CORO6: variants seen among roughly 807,000 people sequenced by gnomAD.
CORO6 encodes coronin 6.
A neutral mutation model predicts 49.0 loss-of-function variants in CORO6; 43 were observed. That is an observed-to-expected ratio of 0.88 (90% CI 0.69 to 1.13). The LOEUF (loss-of-function observed/expected upper bound fraction) is 1.13. Among genes scored for constraint, CORO6 ranks in the 50% most tolerant of loss-of-function variants. The pLI is 0.00. For synonymous variants in CORO6, 233 were observed against 256.5 expected, an observed-to-expected ratio of 0.91 and a Z score of 0.88; for missense variants, 650 against 647.0, an observed-to-expected ratio of 1.00 and a Z score of -0.05.
chr17:29,616,582 C>T lies in CORO6; in HGVS notation c.1004+120G>A, dbSNP rs1206365845. The stretch of plus-strand genomic sequence containing the variant: ...GGGTCTGGCACTGAAACAGAGCTGT[C>T]TTATCCCCCCGCCCCGCTTTTCCAA... On this transcript the variant is annotated intron_variant, in intron 8 of 10. Coordinates refer to ENST00000388767, the MANE Select transcript of CORO6 (RefSeq NM_032854.4). This position sits in a 1 kb window ranked among gnomAD's most constrained non-coding sequence, Gnocchi z 5.6. The T allele has an allele frequency of 1.5e-6, 2 of 1,367,142 alleles. No individual in the cohort carries two copies. Among genetic ancestry groups the T allele is most frequent in the East Asian group, 4.6e-5 (2 of 43,340 alleles). 84.7% of individuals were successfully genotyped at this position (1,367,142 alleles called of 1,614,324 possible). A position where few individuals can be genotyped will look rare whatever the true frequency, so the allele number is the denominator to read the frequency against.
rs1318288003 is a variant in CORO6, at chr17:29,616,555, G to C, written c.1004+147C>G. On this transcript the variant is annotated intron_variant, in intron 8 of 10. Transcript: ENST00000388767. This position sits in a 1 kb window ranked among gnomAD's most constrained non-coding sequence, Gnocchi z 5.6. ...GTTGAGAATGTAAGGCTAGTGAGCG[G>C]TGGGTCTGGCACTGAAACAGAGCTG... is the stretch of plus-strand genomic sequence containing the variant. The C allele has an allele frequency of 1.9e-6, 2 of 1,076,914 alleles. No individual in the cohort carries two copies. The highest frequency in any genetic ancestry group is 2.4e-5 in the East Asian group (1 of 41,734). 66.7% of individuals were successfully genotyped at this position (1,076,914 alleles called of 1,614,324 possible).
rs1013675744 is a variant in CORO6 at position 29,616,707 on chromosome 17, G to T, written c.999C>A (p.Ile333=). 11 of 1,611,814 alleles carry T rather than the reference G, an allele frequency of 6.8e-6. No individual in the cohort carries two copies. Among genetic ancestry groups the T allele is most frequent in the Middle Eastern group, 1.7e-4 (1 of 6,058 alleles). ...GAGGGGCCAAGGCTGCTGACCGGGCGATCTCACACTTGCTGACATCCAGTC... is the reference window on the plus strand; with the variant it reads ...GAGGGGCCAAGGCTGCTGACCGGGCTATCTCACACTTGCTGACATCCAGTC... The part of the protein sequence containing the change: ...KRGLDVSKCE[I]ARFYKLHERK... The change falls in exon 8 of 11, where the codon ATC becomes ATA. Residue 333 remains isoleucine, a synonymous_variant. Coordinates refer to ENST00000388767, the MANE Select transcript of CORO6 (RefSeq NM_032854.4). The surrounding 1 kb of genome is among the most constrained non-coding windows in gnomAD (Gnocchi z 5.6).
chr17:29,616,215 T>C lies in CORO6; in HGVS notation c.1063-40A>G, dbSNP rs760367073. The C allele has an allele frequency of 2.5e-6, 4 of 1,608,228 alleles. No homozygotes were observed. The African/African-American group carries it at 5.3e-5, about 21-fold the overall frequency. On this transcript the variant is annotated intron_variant, in intron 9 of 10. Transcript: ENST00000388767. This position sits in a 1 kb window ranked among gnomAD's most constrained non-coding sequence, Gnocchi z 5.6. ...GGACAGGAGGACTTGCGTGAGAGGG[T>C]GCGGGGCTTGCTCCGCTCCCTTCCG...
At chr17:29,618,031 G>C (rs1472899246) in intron 5 of CORO6, 1 of 1,479,624 alleles carries the variant, frequency 6.8e-7, no homozygotes, top group East Asian at 2.8e-5. Context: ...TAGCGCGCCC[G>C]GCGCGGCCTG....
At chr17:29,619,320 G>C in intron 3 of CORO6, 131 bp from the exon 4 acceptor site, 1 of 1,140,194 alleles carries the variant, frequency 8.8e-7, no homozygotes, top group South Asian at 1.4e-5. Flanking sequence ...GCAAGATGTG[G>C]TGGTGCATGC....
At chr17:29,622,219 C>CTGGG (rs2035341348) in intron 1 of CORO6, 1 of 153,154 alleles carries the variant, frequency 6.5e-6, no homozygotes, top group East Asian at 1.9e-4. Flanking sequence ...GTTGGGCCTT[C>CTGGG]TTCCTAGTGA....
chr17:29,620,819 A>T (rs1210272446), intron 2 of CORO6, among the ~76,000 whole-genome samples: 3 of 152,102 alleles, frequency 2.0e-5, no homozygotes, highest in Admixed American at 1.3e-4. Flanking sequence ...CTGCTCTGGG[A>T]TGTGACTTAA....
rs748866821 is a variant in CORO6 at position 29,616,199 on chromosome 17, G to T, written c.1063-24C>A. 1 of 1,610,758 alleles carries T rather than the reference G, an allele frequency of 6.2e-7. No homozygotes were observed. The highest frequency in any genetic ancestry group is 2.2e-5 in the East Asian group (1 of 44,800). On this transcript the variant is annotated intron_variant, in intron 9 of 10. Transcript: ENST00000388767. This position sits in a 1 kb window ranked among gnomAD's most constrained non-coding sequence, Gnocchi z 5.6. ...GACTGCGGGGGTGGGTGGACAGGAG[G>T]ACTTGCGTGAGAGGGTGCGGGGCTT... is the stretch of plus-strand genomic sequence containing the variant.
At position 29,618,963 on chromosome 17, in the gene CORO6, T is replaced by C. The variant is rs1160618643; in HGVS notation, c.460A>G (p.Asn154Asp). The stretch of plus-strand genomic sequence containing the variant: ...CCCACATTCCAGATGATGATCACAT[T>C]GTCACCACCTGCCCAGAGTGGCCAG... ...RNVLLSAGGD[N>D]VIIIWNVGTG... Residue 154 changes from asparagine to aspartate, a missense_variant, in exon 5 of 11, where the codon AAT becomes GAT. Asn to Asp is a conservative substitution (Grantham distance 23, BLOSUM62 1). Coordinates refer to ENST00000388767, the MANE Select transcript of CORO6 (RefSeq NM_032854.4). 8 of 1,613,530 alleles carry C rather than the reference T, an allele frequency of 5.0e-6. No individual in the cohort carries two copies. Among genetic ancestry groups the C allele is most frequent in the Non-Finnish European group, 6.8e-6 (8 of 1,179,978 alleles).
chr17:29,618,297 C>G, intron 5 of CORO6: 1 of 1,296,102 alleles, frequency 7.7e-7, no homozygotes, highest in South Asian at 2.4e-5. Context: ...CTGGCGAGGC[C>G]AGGGCCGCCG....
Position 29,621,335 on chromosome 17 carries a change from A to T in CORO6, c.87T>A (p.Arg29=). ...AGCTGTCCCATGTGACCTTGGACACACGGATGTCCTCGTAGGCCTGGTCGG... is the reference window on the plus strand; with the variant it reads ...AGCTGTCCCATGTGACCTTGGACACTCGGATGTCCTCGTAGGCCTGGTCGG... ...AKADQAYEDI[R]VSKVTWDSSF... is the part of the protein sequence containing the mutation. The change falls in exon 2 of 11, where the codon CGT becomes CGA. Residue 29 remains arginine, a synonymous_variant. Coordinates refer to ENST00000388767, the MANE Select transcript of CORO6 (RefSeq NM_032854.4). The surrounding 1 kb of genome is among the most constrained non-coding windows in gnomAD (Gnocchi z 4.2). 1.2e-6 allele frequency: 2 copies of T among 1,614,216 alleles called. No individual in the cohort carries two copies. The highest frequency in any genetic ancestry group is 1.7e-6 in the Non-Finnish European group (2 of 1,180,038).
Position 29,616,191 on chromosome 17 carries a change from G to C in CORO6, c.1063-16C>G. ...AGAGGTCTGACTGCGGGGGTGGGTG[G>C]ACAGGAGGACTTGCGTGAGAGGGTG... On this transcript the variant is annotated splice_polypyrimidine_tract_variant and intron_variant, in intron 9 of 10. Coordinates refer to ENST00000388767, the MANE Select transcript of CORO6 (RefSeq NM_032854.4). This position sits in a 1 kb window ranked among gnomAD's most constrained non-coding sequence, Gnocchi z 5.6. 1.2e-6 allele frequency: 2 copies of C among 1,611,088 alleles called. No individual in the cohort carries two copies. Among genetic ancestry groups the C allele is most frequent in the Non-Finnish European group, 1.7e-6 (2 of 1,177,990 alleles).
In CORO6 at chr17:29,621,616, G is replaced by T; in HGVS notation, c.-63-132C>A. The T allele has an allele frequency of 1.0e-6, 1 of 964,988 alleles. No homozygotes were observed. The highest frequency in any genetic ancestry group is 1.5e-6 in the Non-Finnish European group (1 of 668,578). 59.8% of individuals were successfully genotyped at this position (964,988 alleles called of 1,614,324 possible). A position where few individuals can be genotyped will look rare whatever the true frequency, so the allele number is the denominator to read the frequency against. ...TTCAAGGTGGTCAAAGTATGGGAAAGTTATTTTGCTGTGTAAAATGCTGTT... is the reference window on the plus strand; with the variant it reads ...TTCAAGGTGGTCAAAGTATGGGAAATTTATTTTGCTGTGTAAAATGCTGTT... On this transcript the variant is annotated intron_variant, in intron 1 of 10. Coordinates refer to ENST00000388767, the MANE Select transcript of CORO6 (RefSeq NM_032854.4). The surrounding 1 kb of genome is among the most constrained non-coding windows in gnomAD (Gnocchi z 4.2).
chr17:29,620,534 T>C (rs2035256350), intron 2 of CORO6, among the ~76,000 whole-genome samples: 4 of 152,132 alleles, frequency 2.6e-5, no homozygotes, highest in Admixed American at 2.6e-4. Flanking sequence ...CTGTGGAGCC[T>C]ACCCTAACAA....
intron 5 of CORO6, chr17:29,618,235 C>T: frequency 7.6e-7 from 1 of 1,316,374 alleles, no homozygotes; most frequent in Non-Finnish European, 9.7e-7. Flanking sequence ...GCGCTTGCTC[C>T]ACGCAGACAT....
At chr17:29,617,777 C>T in intron 5 of CORO6, 158 bp from the exon 6 acceptor site, 1 of 819,856 alleles carries the variant, frequency 1.2e-6, no homozygotes, top group East Asian at 2.8e-5. Context: ...TCCTGCGGGG[C>T]CACGTCTGGC....
Position 29,616,077 on chromosome 17 carries a change from C to T in CORO6, c.1161G>A (p.Val387=). 1.2e-6 allele frequency: 2 copies of T among 1,612,986 alleles called. No homozygotes were observed. The highest frequency in any genetic ancestry group is 1.1e-5 in the South Asian group (1 of 91,072). The change falls in exon 10 of 11, where the codon GTG becomes GTA. Residue 387 remains valine, a synonymous_variant. Transcript: ENST00000388767. The surrounding 1 kb of genome is among the most constrained non-coding windows in gnomAD (Gnocchi z 5.6). ...CATAGCCGTCCCTCAGCGAAATGAGCACGGGTTCGGCGTCCTGGCCGGATA... is the reference window on the plus strand; with the variant it reads ...CATAGCCGTCCCTCAGCGAAATGAGTACGGGTTCGGCGTCCTGGCCGGATA... ...EWLSGQDAEP[V]LISLRDGYVP... is the part of the protein sequence containing the mutation.
chr17:29,616,125 C>T lies in CORO6; in HGVS notation c.1113G>A (p.Pro371=). 2 of 1,613,384 alleles carry T rather than the reference C, an allele frequency of 1.2e-6. No homozygotes were observed. The highest frequency in any genetic ancestry group is 1.7e-6 in the Non-Finnish European group (2 of 1,180,014). Residue 371 remains proline, a synonymous_variant, in exon 10 of 11, where the codon CCG becomes CCA. Transcript: ENST00000388767. The surrounding 1 kb of genome is among the most constrained non-coding windows in gnomAD (Gnocchi z 5.6). The part of the protein sequence containing the change: ...DLYPDTPGPE[P]ALEADEWLSG... ...ATAGCCATTCGTCCGCTTCTAGGGC[C>T]GGCTCCGGGCCTGGCGTATCCGGGT... is the stretch of plus-strand genomic sequence containing the variant.
chr17:29,621,793 C>A lies in CORO6; in HGVS notation c.-63-309G>T. 3.7e-6 allele frequency: 1 copy of A among 273,964 alleles called. No homozygotes were observed. The highest frequency in any genetic ancestry group is 7.2e-6 in the Non-Finnish European group (1 of 139,068). The allele number at this position is 273,964 out of a possible 1,614,324, so 17.0% of individuals were successfully genotyped here. A position where few individuals can be genotyped will look rare whatever the true frequency, so the allele number is the denominator to read the frequency against. On this transcript the variant is annotated intron_variant, in intron 1 of 10. Transcript: ENST00000388767. This position sits in a 1 kb window ranked among gnomAD's most constrained non-coding sequence, Gnocchi z 4.2. ...CACTGCCTGCACCCCCCGCCCCCAC[C>A]ACCGCCAGCCTTGATGAGCATCTCT...
Sources: gnomAD v4.1 joint callset for allele counts (sites outside exome capture counted in the v4.1 genomes callset) on GRCh38, gnomAD v4.1.1 for gene constraint, Gnocchi (gnomAD v3.1) non-coding constraint, MANE v1.5 for transcripts, NCBI Gene and HGNC (gene_info 2026-07-23, HGNC 2026-07-21) for gene names.